The following CPAP variants were observed in gnomAD, a reference collection of about 807,000 sequenced individuals.
CPAP encodes centrosomal P4.1-associated protein.
the CPAP span, chr13:24,899,370 T>G: frequency 8.3e-6 from 12 of 1,440,830 alleles, no homozygotes; most frequent in Non-Finnish European, 1.1e-5. Context: ...GCTTACAAGA[T>G]TGTCACCTTT....
chr13:24,897,740 G>A, the CPAP span, among the ~76,000 whole-genome samples: 143 of 152,276 alleles, frequency 9.4e-4, no homozygotes, highest in Middle Eastern at 3.4e-3. Context: ...GGGAAAATAT[G>A]AGATTGATAA....
chr13:24,889,662 CTGACCATTACAGAGCAGAG>C, the CPAP span, among the ~76,000 whole-genome samples: 1 of 152,186 alleles, frequency 6.6e-6, no homozygotes, highest in Non-Finnish European at 1.5e-5. Context: ...ACCATCTCCT[CTGACCATTACAGAGCAGAG>C]GAGGAGCACA....
At chr13:24,911,199 CAAT>C in the CPAP span, among the ~76,000 whole-genome samples, 1 of 152,070 alleles carries the variant, frequency 6.6e-6, no homozygotes, top group African/African-American at 2.4e-5. Flanking sequence ...CCAGGAACAC[CAAT>C]AAGGACTGAT....
the CPAP span, among the ~76,000 whole-genome samples, chr13:24,894,903 G>A: frequency 1.3e-5 from 2 of 152,262 alleles, no homozygotes; most frequent in African/African-American, 4.8e-5. Flanking sequence ...CCAGACAGAC[G>A]GGAGAGGAGC....
the CPAP span, among the ~76,000 whole-genome samples, chr13:24,914,139 C>T: frequency 1.3e-5 from 2 of 152,084 alleles, no homozygotes; most frequent in Admixed American, 6.6e-5. Flanking sequence ...GAGGTTGTAA[C>T]TTTAGACAAG....
chr13:24,890,525 TCA>T, the CPAP span, among the ~76,000 whole-genome samples: 1 of 152,184 alleles, frequency 6.6e-6, no homozygotes, highest in Admixed American at 6.5e-5. Context: ...GGCACTCTTG[TCA>T]CACACACTGT....
chr13:24,887,137 A>T, the CPAP span, among the ~76,000 whole-genome samples: 3 of 152,224 alleles, frequency 2.0e-5, no homozygotes, highest in Admixed American at 2.0e-4. Context: ...AGAATTAAGA[A>T]GCACTGCCCA....
At chr13:24,923,513 C>A in the CPAP span, among the ~76,000 whole-genome samples, 3 of 152,150 alleles carry the variant, frequency 2.0e-5, no homozygotes, top group African/African-American at 7.2e-5. Flanking sequence ...GTGCAGAATT[C>A]AAGAAATTTT....
chr13:24,901,691 T>C, the CPAP span, among the ~76,000 whole-genome samples: 4 of 152,190 alleles, frequency 2.6e-5, no homozygotes, highest in African/African-American at 9.6e-5. Context: ...GTCTATTATG[T>C]TGTTGAAATG....
the CPAP span, among the ~76,000 whole-genome samples, chr13:24,919,254 A>G: frequency 6.6e-6 from 1 of 152,224 alleles, no homozygotes; most frequent in African/African-American, 2.4e-5. Flanking sequence ...CCAGGTTCAA[A>G]GCCATAAAAA....
the CPAP span, chr13:24,886,211 T>G: frequency 1.3e-6 from 1 of 784,140 alleles, no homozygotes; most frequent in Non-Finnish European, 1.9e-6. Context: ...TATGTGCCAA[T>G]GGATCATATT....
chr13:24,897,034 T>C, the CPAP span, among the ~76,000 whole-genome samples: 9 of 152,324 alleles, frequency 5.9e-5, no homozygotes, highest in East Asian at 1.3e-3. Flanking sequence ...TTAAACCTCT[T>C]ACCTATCAGG....
chr13:24,902,636 C>G, the CPAP span, among the ~76,000 whole-genome samples: 1 of 152,046 alleles, frequency 6.6e-6, no homozygotes, highest in African/African-American at 2.4e-5. Flanking sequence ...AAAAGAAATA[C>G]GGAAGAGATG....
the CPAP span, among the ~76,000 whole-genome samples, chr13:24,932,358 T>A: frequency 6.6e-6 from 1 of 152,198 alleles, no homozygotes; most frequent in African/African-American, 2.4e-5. Flanking sequence ...GCGCCTGTAA[T>A]CCCAGCTACG....
At chr13:24,885,282 A>G in the CPAP span, 1 of 1,591,152 alleles carries the variant, frequency 6.3e-7, no homozygotes, top group South Asian at 1.1e-5. Context: ...TAACCTTTCC[A>G]TCAGGATGAC....
the CPAP span, among the ~76,000 whole-genome samples, chr13:24,929,518 A>G: frequency 9.2e-5 from 14 of 152,208 alleles, no homozygotes; most frequent in Admixed American, 2.6e-4. Context: ...GTATGTACTG[A>G]TAATTTCTCT....
chr13:24,906,079 G>T, the CPAP span: 2 of 1,613,140 alleles, frequency 1.2e-6, no homozygotes, highest in Admixed American at 1.7e-5. Context: ...GTTTGGGTGC[G>T]ACTTCACACT....
chr13:24,913,104 A>T, the CPAP span: 1 of 1,270,570 alleles, frequency 7.9e-7, no homozygotes, highest in South Asian at 1.2e-5. Flanking sequence ...GTAGACAAAA[A>T]TAGCCAACAA....
At chr13:24,891,222 A>G in the CPAP span, among the ~76,000 whole-genome samples, 1 of 151,776 alleles carries the variant, frequency 6.6e-6, no homozygotes. Context: ...ACTTGCTCTC[A>G]GGACACCACA....
Sources: gnomAD v4.1 joint callset for allele counts (sites outside exome capture counted in the v4.1 genomes callset) on GRCh38, gnomAD v4.1.1 for gene constraint, MANE v1.5 for transcripts, NCBI Gene and HGNC (gene_info 2026-07-23, HGNC 2026-07-21) for gene names.